The following PRLR variants were observed in gnomAD, a reference collection of about 807,000 sequenced individuals.
PRLR encodes the protein prolactin receptor, also known as hPRL receptor.
Under a neutral mutation model 40.2 loss-of-function variants are expected in PRLR, and 13 were observed. The observed-to-expected ratio is 0.32, with a 90% CI of 0.21 to 0.51. The LOEUF is 0.51. Ranked by LOEUF, PRLR falls within the 20% of genes least tolerant of loss-of-function variation. The probability of loss-of-function intolerance (pLI) is 0.97; values close to 1 mark genes in which losing one functional copy is unlikely to be tolerated. For missense variants in PRLR, 656 were observed against 747.3 expected (o/e 0.88, Z 1.42); for synonymous variants, 269 against 278.7 (o/e 0.97, Z 0.35).
intron 1 of PRLR, among the ~76,000 whole-genome samples, chr5:35,210,488 C>G (rs1776142979): frequency 6.6e-6 from 1 of 152,216 alleles, no homozygotes; most frequent in South Asian, 2.1e-4. Flanking sequence ...TTCATGCAAA[C>G]TTTTCTCACA....
chr5:35,084,358 C>A, intron 5 of PRLR, 112 bp downstream of exon 5: 1 of 1,089,354 alleles, frequency 9.2e-7, no homozygotes, highest in Non-Finnish European at 1.3e-6. Flanking sequence ...TGAGTTTTCT[C>A]ATCTTTCTTT....
At chr5:35,190,610 C>T (rs1047520885) in intron 1 of PRLR, among the ~76,000 whole-genome samples, 19 of 96,256 alleles carry the variant, frequency 2.0e-4, no homozygotes, top group Non-Finnish European at 4.7e-4. Context: ...GAGACTTTGC[C>T]TCAGGAAAAA....
At chr5:35,068,978 C>T (rs1395732846) in intron 7 of PRLR, 100 bp from the exon 8 acceptor site, 6 of 814,052 alleles carry the variant, frequency 7.4e-6, no homozygotes, top group Non-Finnish European at 1.2e-5. Context: ...TGTTTTCCTC[C>T]ATTCATATAT....
intron 1 of PRLR, among the ~76,000 whole-genome samples, chr5:35,222,581 T>C (rs369553465): frequency 6.6e-6 from 1 of 152,282 alleles, no homozygotes; most frequent in South Asian, 2.1e-4. Flanking sequence ...TGACTGCCTA[T>C]GGGTCATTGA....
At chr5:35,082,650 T>C (rs1245401264) in intron 5 of PRLR, among the ~76,000 whole-genome samples, 1 of 152,186 alleles carries the variant, frequency 6.6e-6, no homozygotes, top group Non-Finnish European at 1.5e-5. Flanking sequence ...TAACTAAATA[T>C]TACTCAACAA....
At chr5:35,229,131 A>AAT (rs34244495) in intron 1 of PRLR, among the ~76,000 whole-genome samples, 3,628 of 147,332 alleles carry the variant, frequency 0.025, 84 homozygotes, top group Middle Eastern at 0.05. Flanking sequence ...ATATTTCTAT[A>AAT]ATATATATAT....
At chr5:35,205,671 C>A (rs1324984250) in intron 1 of PRLR, among the ~76,000 whole-genome samples, 1 of 152,082 alleles carries the variant, frequency 6.6e-6, no homozygotes, top group Non-Finnish European at 1.5e-5. Context: ...AAAGAAAAAG[C>A]CCCTAAAGAA....
At chr5:35,129,269 C>A (rs1247151948) in intron 1 of PRLR, among the ~76,000 whole-genome samples, 1 of 152,156 alleles carries the variant, frequency 6.6e-6, no homozygotes, top group African/African-American at 2.4e-5. Flanking sequence ...AGAAAAAGTT[C>A]TCTTAGTGTT....
chr5:35,196,557 A>G (rs1339478407), intron 1 of PRLR, among the ~76,000 whole-genome samples: 1 of 152,170 alleles, frequency 6.6e-6, no homozygotes, highest in African/African-American at 2.4e-5. Flanking sequence ...TTGGACCTTC[A>G]ATGAGCACAA....
intron 1 of PRLR, among the ~76,000 whole-genome samples, chr5:35,229,862 T>G (rs892239588): frequency 6.6e-6 from 1 of 152,128 alleles, no homozygotes; most frequent in African/African-American, 2.4e-5. Context: ...CTTTTTTTCT[T>G]TTCTTTTTAT....
chr5:35,074,588 G>C lies in PRLR; in HGVS notation c.374-1844C>G, dbSNP rs184588039. Among the ~76,000 whole-genome samples, 42 of 151,358 alleles carry C rather than the reference G, an allele frequency of 2.8e-4. No individual in the cohort carries two copies. In the East Asian group the frequency reaches 7.7e-3, roughly 28 times the overall value. On this transcript the variant is annotated intron_variant, in intron 5 of 9. Transcript: ENST00000618457. Reference sequence around the variant, plus strand: ...AGTCATTGCCAGGGCTTGAGGAAGGGAGAAATGAGAAGTAACTGCTTAGTA... The same window carrying C: ...AGTCATTGCCAGGGCTTGAGGAAGGCAGAAATGAGAAGTAACTGCTTAGTA...
chr5:35,088,603 T>C (rs1179913182), intron 3 of PRLR, among the ~76,000 whole-genome samples: 2 of 152,214 alleles, frequency 1.3e-5, no homozygotes, highest in African/African-American at 2.4e-5. Context: ...AGGGTAGATT[T>C]GTAAAATTAC....
chr5:35,049,446 T>G lies in PRLR; in HGVS notation c.1010-38A>C, dbSNP rs1360865375. The stretch of plus-strand genomic sequence containing the variant: ...AGAAAAACAGTACATTCTGAATAAC[T>G]TCTAGAGGGAAAGTGGGAGGTTATA... On this transcript the variant is annotated intron_variant, in intron 8 of 8. Transcript: ENST00000231423. The G allele has an allele frequency of 2.4e-5, 17 of 700,514 alleles. No homozygotes were observed. The East Asian group carries it at 4.6e-4, about 19-fold the overall frequency. The allele number at this position is 700,514 out of a possible 1,614,324, so 43.4% of individuals were successfully genotyped here.
rs1419095074 is a variant in PRLR, at chr5:35,065,448, C to A, written c.1510G>T (p.Ala504Ser). 1.2e-6 allele frequency: 2 copies of A among 1,613,972 alleles called. No homozygotes were observed. Among genetic ancestry groups the A allele is most frequent in the African/African-American group, 2.7e-5 (2 of 74,912 alleles). The change falls in exon 10 of 10, where the codon GCT becomes TCT. Residue 504 changes from alanine to serine, a missense_variant. Coordinates refer to ENST00000618457, the MANE Select transcript of PRLR (RefSeq NM_000949.7). ...LPQEKTPFGS[A>S]KPLDYVEIHK... is the part of the protein sequence containing the mutation. The stretch of plus-strand genomic sequence containing the variant: ...ATCTCCACATAATCCAAGGGTTTAG[C>A]GGAGCCAAAGGGGGTTTTCTCCTGG...
Position 35,084,532 on chromosome 5 carries a change from T to C in PRLR, c.311A>G (p.Asn104Ser). ...SMWRTYIMMVNATNQMGSSFS... is the reference protein window; with the variant it reads ...SMWRTYIMMVSATNQMGSSFS... ...ACTGCTTCCCATCTGGTTAGTGGCATTGACCATCATGATGTATGTCCTCCA... is the reference window on the plus strand; with the variant it reads ...ACTGCTTCCCATCTGGTTAGTGGCACTGACCATCATGATGTATGTCCTCCA... The change falls in exon 5 of 10, where the codon AAT becomes AGT. Residue 104 changes from asparagine to serine, a missense_variant. Coordinates refer to ENST00000618457, the MANE Select transcript of PRLR (RefSeq NM_000949.7). The C allele has an allele frequency of 1.2e-6, 2 of 1,602,674 alleles. No homozygotes were observed. The highest frequency in any genetic ancestry group is 1.7e-6 in the Non-Finnish European group (2 of 1,176,856).
intron 1 of PRLR, among the ~76,000 whole-genome samples, chr5:35,229,957 C>T (rs1029615925): frequency 1.6e-4 from 24 of 152,330 alleles, no homozygotes; most frequent in African/African-American, 5.8e-4. Context: ...ATGCCTTTGA[C>T]AAAGGCGAAT....
At chr5:35,140,992 A>G (rs1408841616) in intron 1 of PRLR, among the ~76,000 whole-genome samples, 1 of 152,224 alleles carries the variant, frequency 6.6e-6, no homozygotes, top group Non-Finnish European at 1.5e-5. Context: ...TAAGATTTAA[A>G]TAAATTCCAC....
At chr5:35,170,134 T>C (rs1407360428) in intron 1 of PRLR, among the ~76,000 whole-genome samples, 1 of 152,198 alleles carries the variant, frequency 6.6e-6, no homozygotes, top group Admixed American at 6.5e-5. Flanking sequence ...CCACAATCCA[T>C]CATGTAAGAA....
chr5:35,216,588 G>A (rs1776294168), intron 1 of PRLR, among the ~76,000 whole-genome samples: 1 of 152,212 alleles, frequency 6.6e-6, no homozygotes, highest in African/African-American at 2.4e-5. Context: ...TCATTAGTGT[G>A]TGATGACCAT....
Sources: gnomAD v4.1 joint callset for allele counts (sites outside exome capture counted in the v4.1 genomes callset) on GRCh38, gnomAD v4.1.1 for gene constraint, MANE v1.5 for transcripts, NCBI Gene and HGNC (gene_info 2026-07-23, HGNC 2026-07-21) for gene names.